Variants in WDR62 observed in about 807,000 individuals in gnomAD.
WDR62 encodes the protein WD repeat-containing protein 62.
A neutral mutation model predicts 160.6 loss-of-function variants in WDR62; 112 were observed. That is an observed-to-expected ratio of 0.70 (90% confidence interval 0.60 to 0.82). The LOEUF is 0.82. WDR62 is among the 40% of genes least tolerant of loss of function. WDR62 has a pLI of 0.00. For synonymous variants in WDR62, 792 were observed against 815.1 expected, an observed-to-expected ratio of 0.97 and a Z score of 0.48; for missense variants, 1,819 against 1,983.8, an observed-to-expected ratio of 0.92 and a Z score of 1.58.
At chr19:36,057,678 C>G (rs1198204299) in intron 1 of WDR62, among the ~76,000 whole-genome samples, 1 of 152,090 alleles carries the variant, frequency 6.6e-6, no homozygotes, top group African/African-American at 2.4e-5. Flanking sequence ...CCACACCTGA[C>G]TAATTTTTTT....
At chr19:36,111,106 G>C in the WDR62 span, 1 of 1,138,666 alleles carries the variant, frequency 8.8e-7, no homozygotes. Flanking sequence ...GTTCCTCAGA[G>C]GCTTCCCCTC....
Position 36,102,761 on chromosome 19 carries a change from A to G in WDR62, c.3245A>G (p.Asp1082Gly), listed in dbSNP as rs776100948. The G allele has an allele frequency of 5.0e-6, 8 of 1,614,064 alleles. No homozygotes were observed. In the South Asian group the frequency reaches 8.8e-5, roughly 18 times the overall value. Residue 1082 changes from aspartate to glycine, a missense_variant, in exon 27 of 32, where the codon GAC (aspartate) becomes GGC (glycine). Around this residue, in one of 3 missense-constraint regions of WDR62, gnomAD observed 770 missense variants for 734.2 expected, o/e 1.05. Transcript: ENST00000401500. ...CRELFPAALG[D>G]VEASEAEDHF... ...GAGCTCTTCCCCGCAGCTCTGGGAG[A>G]CGTGGAGGCCTCTGAAGCTGAAGAC... is the stretch of plus-strand genomic sequence containing the variant.
At chr19:36,069,194 C>G (rs1446323076) in intron 7 of WDR62, among the ~76,000 whole-genome samples, 1 of 146,014 alleles carries the variant, frequency 6.8e-6, no homozygotes, top group African/African-American at 2.8e-5. Context: ...CCCTCCGGGA[C>G]GGGGCGGCTG....
intron 28 of WDR62, 22 bp downstream of exon 28, chr19:36,103,096 G>A (rs775421117): frequency 8.1e-6 from 13 of 1,613,912 alleles, no homozygotes; most frequent in African/African-American, 2.7e-5. Flanking sequence ...GCCCACCTCC[G>A]TCAGGGCACG....
At chr19:36,071,749 G>A (rs1158463949) in intron 8 of WDR62, 33 bp downstream of exon 8, 3 of 1,599,886 alleles carry the variant, frequency 1.9e-6, no homozygotes, top group African/African-American at 2.7e-5. Context: ...AATGGGAGGG[G>A]CCCACCCAGA....
rs573628975 is a variant in WDR62, at chr19:36,086,619, C to T, written c.1643-68C>T. 332 of 1,545,524 alleles carry T rather than the reference C, an allele frequency of 2.1e-4. 1 individual carries two copies. The African/African-American group carries it at 4.0e-3, about 18-fold the overall frequency. On this transcript the variant is annotated intron_variant, in intron 12 of 31. Coordinates refer to ENST00000401500, the MANE Select transcript of WDR62 (RefSeq NM_001083961.2). Reference sequence around the variant, plus strand: ...CCGAGGACTGGGCAGCTTGGTCACACTGCCCTTCTGGGAGGCCAGGGCACC... The same window carrying T: ...CCGAGGACTGGGCAGCTTGGTCACATTGCCCTTCTGGGAGGCCAGGGCACC...
chr19:36,099,254 G>T (rs1326708687), intron 21 of WDR62, 145 bp from the exon 22 acceptor site: 2 of 635,016 alleles, frequency 3.1e-6, no homozygotes, highest in African/African-American at 1.9e-5. Flanking sequence ...ACAGAGAAAG[G>T]TTCACGCTGG....
At position 36,103,845 on chromosome 19, in the gene WDR62, C is replaced by T. The variant is rs938285422; in HGVS notation, c.4017C>T (p.Leu1339=). 6.2e-7 allele frequency: 1 copy of T among 1,604,758 alleles called. No homozygotes were observed. Among genetic ancestry groups the T allele is most frequent in the Admixed American group, 1.7e-5 (1 of 60,016 alleles). The change falls in exon 30 of 32, where the codon CTC becomes CTT. Residue 1339 remains leucine, a synonymous_variant. Transcript: ENST00000401500. Reference sequence around the variant, plus strand: ...CTGTGGAAGAGAGCGCCCTGAGGCTCCACGGCTCTGCCTTTCGCCCAAGTC... The same window carrying T: ...CTGTGGAAGAGAGCGCCCTGAGGCTTCACGGCTCTGCCTTTCGCCCAAGTC... ...PSPVEESALR[L]HGSAFRPSLP... is the part of the protein sequence containing the mutation.
chr19:36,102,667 G>A, intron 26 of WDR62, 70 bp from the exon 27 acceptor site: 3 of 1,432,692 alleles, frequency 2.1e-6, no homozygotes, highest in Non-Finnish European at 2.9e-6. Context: ...CCGCTGGGCT[G>A]TGGGCTGGCC....
chr19:36,091,069 T>C, intron 16 of WDR62, 131 bp from the exon 17 acceptor site: 1 of 748,276 alleles, frequency 1.3e-6, no homozygotes, highest in Non-Finnish European at 2.4e-6. Flanking sequence ...ACGTGTCGAA[T>C]GGGAGCGGGA....
intron 30 of WDR62, 92 bp downstream of exon 30, chr19:36,104,073 AG>A (rs1384493892): frequency 1.3e-6 from 2 of 1,488,962 alleles, no homozygotes; most frequent in Admixed American, 3.4e-5. Flanking sequence ...ACCTGGCCAC[AG>A]GGACTGTGCC....
intron 7 of WDR62, among the ~76,000 whole-genome samples, chr19:36,069,347 C>T (rs1029445991): frequency 2.4e-4 from 36 of 152,006 alleles, no homozygotes; most frequent in Admixed American, 2.1e-3. Flanking sequence ...CCTCACCTCC[C>T]AGACAGGGTC....
intron 9 of WDR62, among the ~76,000 whole-genome samples, chr19:36,080,393 C>T (rs1031528772): frequency 2.6e-4 from 39 of 151,738 alleles, no homozygotes; most frequent in Non-Finnish European, 3.4e-4. Context: ...GGATTACAGG[C>T]GGGAGCCACC....
At chr19:36,074,557 G>A (rs1268907023) in intron 9 of WDR62, among the ~76,000 whole-genome samples, 2 of 152,114 alleles carry the variant, frequency 1.3e-5, no homozygotes, top group East Asian at 1.9e-4. Context: ...CAGGGGCTGC[G>A]GCAGGGGGGC....
At chr19:36,107,370 C>T (rs906385668), downstream of WDR62, among the ~76,000 whole-genome samples, 7 of 152,112 alleles carry the variant, frequency 4.6e-5, no homozygotes, top group South Asian at 4.1e-4. Flanking sequence ...GAAGCTGCCC[C>T]GATAGTACTG....
intron 13 of WDR62, among the ~76,000 whole-genome samples, chr19:36,087,868 T>A (rs147615428): frequency 6.7e-4 from 102 of 152,238 alleles, no homozygotes; most frequent in African/African-American, 2.3e-3. Context: ...CCGAAGTGAG[T>A]ATCCACAGTT....
intron 9 of WDR62, among the ~76,000 whole-genome samples, chr19:36,078,297 A>G (rs1331071410): frequency 6.6e-6 from 1 of 150,938 alleles, no homozygotes; most frequent in East Asian, 2.0e-4. Context: ...ACAGGCACGC[A>G]CCACCATGCC....
At chr19:36,055,811 T>C (rs1168143984) in intron 1 of WDR62, among the ~76,000 whole-genome samples, 1 of 152,132 alleles carries the variant, frequency 6.6e-6, no homozygotes, top group African/African-American at 2.4e-5. Flanking sequence ...ACAGCGGCAA[T>C]TAAAAAAATT....
chr19:36,071,539 C>A lies in WDR62; in HGVS notation c.883-17C>A. 6.2e-7 allele frequency: 1 copy of A among 1,614,234 alleles called. No homozygotes were observed. The highest frequency in any genetic ancestry group is 1.1e-5 in the South Asian group (1 of 91,068). ...CGTGAAGCACCAAATCCACTGGGGTCCCTTTTGCCCCTACAGGTCTCCCTG... is the reference window on the plus strand; with the variant it reads ...CGTGAAGCACCAAATCCACTGGGGTACCTTTTGCCCCTACAGGTCTCCCTG... On this transcript the variant is annotated splice_polypyrimidine_tract_variant and intron_variant, in intron 7 of 31. Transcript: ENST00000401500.
Sources: allele counts gnomAD v4.1 joint callset (sites outside exome capture counted in the v4.1 genomes callset), GRCh38; gene constraint gnomAD v4.1.1; regional missense constraint gnomAD v4.1.1; transcripts MANE v1.5; gene names NCBI Gene and HGNC (gene_info 2026-07-23, HGNC 2026-07-21).